DCHS2: variants seen among roughly 807,000 people sequenced by gnomAD.
The protein encoded by DCHS2 is protocadherin-23.
A neutral mutation model predicts 182.4 loss-of-function variants in DCHS2; 142 were observed. The observed-to-expected ratio is 0.78, with a 90% confidence interval of 0.68 to 0.89. The LOEUF (loss-of-function observed/expected upper bound fraction) is 0.89. DCHS2 is among the 40% of genes least tolerant of loss of function. The pLI is 0.00. For synonymous variants in DCHS2, 1,740 were observed against 1,663.3 expected (o/e 1.05, Z -1.12); for missense variants, 4,319 against 4,198.6 (o/e 1.03, Z -0.79).
At chr4:154,486,191 T>G (rs1195863779) in intron 1 of DCHS2, among the ~76,000 whole-genome samples, 2 of 152,224 alleles carry the variant, frequency 1.3e-5, no homozygotes, top group Non-Finnish European at 2.9e-5. Flanking sequence ...TGCTAATGGT[T>G]CTTGTCCTCT....
intron 10 of DCHS2, among the ~76,000 whole-genome samples, chr4:154,305,823 C>A (rs1329753142): frequency 6.6e-6 from 1 of 152,010 alleles, no homozygotes; most frequent in African/African-American, 2.4e-5. Context: ...TCATTTCTCC[C>A]CTGAGAAAAG....
In DCHS2 at chr4:154,242,554, T is replaced by G. The variant is rs576955468; in HGVS notation, c.7072+88A>C. On this transcript the variant is annotated intron_variant, in intron 17 of 19. Transcript: ENST00000357232. Reference sequence around the variant, plus strand: ...TTGCTTGGTTGTTGAGGATTAGCACTCATGTTAATACAGTGTCTGGCTAAA... The same window carrying G: ...TTGCTTGGTTGTTGAGGATTAGCACGCATGTTAATACAGTGTCTGGCTAAA... The G allele has an allele frequency of 1.3e-4, 189 of 1,465,260 alleles. No individual in the cohort carries two copies. In the African/African-American group the frequency reaches 2.5e-3, roughly 19 times the overall value. The allele number at this position is 1,465,260 out of a possible 1,614,324, so 90.8% of individuals were successfully genotyped here.
chr4:154,409,534 T>G (rs967336040), intron 1 of DCHS2, among the ~76,000 whole-genome samples: 1 of 152,164 alleles, frequency 6.6e-6, no homozygotes, highest in African/African-American at 2.4e-5. Flanking sequence ...GAGCCTGAGC[T>G]GACAGGGGAT....
In DCHS2 at chr4:154,236,878, C is replaced by T; in HGVS notation, c.7774G>A (p.Gly2592Ser). The T allele has an allele frequency of 6.2e-7, 1 of 1,613,998 alleles. No homozygotes were observed. Among genetic ancestry groups the T allele is most frequent in the South Asian group, 1.1e-5 (1 of 91,070 alleles). The part of the protein sequence containing the change: ...NTYVEYSIIS[G>S]NSQNNFHVET... ...ACATGAAAATTGTTCTGTGAATTAC[C>T]ACTGATGATGGAATATTCAACATAT... The change falls in exon 20 of 20, where the codon GGT (glycine) becomes AGT (serine). Residue 2592 changes from glycine (G) to serine (S), a missense_variant. By Grantham distance (56) the Gly-to-Ser change is moderately conservative (BLOSUM62 0). Transcript: ENST00000357232.
At chr4:154,384,578 T>C (rs1287120011) in intron 1 of DCHS2, 16 of 1,471,162 alleles carry the variant, frequency 1.1e-5, no homozygotes, top group Non-Finnish European at 1.5e-5. Flanking sequence ...CTACCTTATA[T>C]GGCAACAGAC....
chr4:154,446,383 A>G (rs1734285628), intron 1 of DCHS2, among the ~76,000 whole-genome samples: 1 of 152,244 alleles, frequency 6.6e-6, no homozygotes, highest in South Asian at 2.1e-4. Context: ...GTCTTGCTTT[A>G]CATAGAGTGA....
intron 10 of DCHS2, among the ~76,000 whole-genome samples, chr4:154,308,151 T>C (rs1227115114): frequency 6.6e-6 from 1 of 152,002 alleles, no homozygotes; most frequent in Admixed American, 6.6e-5. Context: ...CCAGTTACTC[T>C]TTCTACAGTG....
Position 154,298,285 on chromosome 4 carries a change from C to T in DCHS2, c.6029G>A (p.Arg2010Lys). The change falls in exon 13 of 20, where the codon AGA becomes AAA. Residue 2010 changes from arginine to lysine, a missense_variant. Transcript: ENST00000357232. The part of the protein sequence containing the change: ...RSQHTFSAVA[R>K]DCSIQGSRST... Reference sequence around the variant, plus strand: ...TCGTGAACCCTGGATGCTACAGTCTCTGGCCACAGCACTAAATGTATGCTG... The same window carrying T: ...TCGTGAACCCTGGATGCTACAGTCTTTGGCCACAGCACTAAATGTATGCTG... 1 of 1,614,204 alleles carries T rather than the reference C, an allele frequency of 6.2e-7. No individual in the cohort carries two copies. Among genetic ancestry groups the T allele is most frequent in the South Asian group, 1.1e-5 (1 of 91,086 alleles).
chr4:154,314,531 C>A (rs1035381139), intron 10 of DCHS2, among the ~76,000 whole-genome samples: 10 of 152,236 alleles, frequency 6.6e-5, no homozygotes, highest in African/African-American at 2.4e-4. Context: ...ACATCACATA[C>A]AAATTCATGT....
intron 1 of DCHS2, among the ~76,000 whole-genome samples, chr4:154,435,654 C>A (rs985242486): frequency 1.3e-5 from 2 of 151,716 alleles, no homozygotes; most frequent in African/African-American, 2.4e-5. Context: ...ATAATGAATA[C>A]CTCTGGCCAA....
intron 1 of DCHS2, among the ~76,000 whole-genome samples, chr4:154,465,976 C>T (rs1280685798): frequency 4.6e-5 from 7 of 152,042 alleles, no homozygotes; most frequent in African/African-American, 1.7e-4. Context: ...CAGACAGAGG[C>T]TTTAAAAGCT....
At chr4:154,325,619 A>G (rs1301685051) in intron 7 of DCHS2, among the ~76,000 whole-genome samples, 1 of 152,158 alleles carries the variant, frequency 6.6e-6, no homozygotes, top group Non-Finnish European at 1.5e-5. Context: ...GAATGGGGAA[A>G]GAGTCTCTGA....
intron 5 of DCHS2, chr4:154,331,520 C>T: frequency 6.5e-7 from 1 of 1,529,776 alleles, no homozygotes; most frequent in Non-Finnish European, 8.8e-7. Flanking sequence ...GGAAAGGCAG[C>T]TTGCAACCTT....
rs963344804 is a variant in DCHS2, at chr4:154,490,365, C to T, written c.991G>A (p.Val331Met). The change falls in exon 1 of 20, where the codon GTG (valine) becomes ATG (methionine). Residue 331 changes from valine to methionine, a missense_variant. Physicochemically the swap from Val to Met is conservative, Grantham distance 21. Coordinates refer to ENST00000357232, the MANE Select transcript of DCHS2 (RefSeq NM_001358235.2). ...TDRDLGPNGF[V>M]RYSVRARQVP... is the part of the protein sequence containing the mutation. ...TGCCGGGCGCGGACGCTGTAGCGCACGAAGCCATTGGGCCCCAGGTCGCGG... is the reference window on the plus strand; with the variant it reads ...TGCCGGGCGCGGACGCTGTAGCGCATGAAGCCATTGGGCCCCAGGTCGCGG... 3 of 1,537,498 alleles carry T rather than the reference C, an allele frequency of 2.0e-6. No individual in the cohort carries two copies. The highest frequency in any genetic ancestry group is 2.7e-5 in the African/African-American group (2 of 72,802).
chr4:154,451,038 G>A (rs1409732111), intron 1 of DCHS2, among the ~76,000 whole-genome samples: 3 of 152,168 alleles, frequency 2.0e-5, no homozygotes, highest in African/African-American at 7.2e-5. Context: ...TGCTACTCCA[G>A]TCCATTCACT....
At chr4:154,299,015 T>A (rs1211981278) in intron 12 of DCHS2, among the ~76,000 whole-genome samples, 1 of 152,232 alleles carries the variant, frequency 6.6e-6, no homozygotes, top group Non-Finnish European at 1.5e-5. Flanking sequence ...CATCTACAAC[T>A]TTTAATTTTA....
At position 154,311,297 on chromosome 4, in the gene DCHS2, C is replaced by T. The variant is rs115210938; in HGVS notation, c.5260+4451G>A. 4.4e-3 allele frequency among the ~76,000 whole-genome samples: 673 copies of T among 152,278 alleles called. 4 individuals carry two copies. The highest frequency in any genetic ancestry group is 0.015 in the African/African-American group (640 of 41,560). On this transcript the variant is annotated intron_variant, in intron 10 of 19. Transcript: ENST00000357232. ...ACCCAGGCTGGAGTGTGCAGAGGCA[C>T]AGTCGTGGCTCACGGCAGCAAATTC...
chr4:154,405,187 T>C (rs1732349228), intron 1 of DCHS2, among the ~76,000 whole-genome samples: 2 of 152,046 alleles, frequency 1.3e-5, no homozygotes. Context: ...GAGGTTGAGG[T>C]TGCAAGTGAG....
At chr4:154,445,322 C>T (rs1256593296) in intron 1 of DCHS2, among the ~76,000 whole-genome samples, 3 of 152,134 alleles carry the variant, frequency 2.0e-5, no homozygotes, top group Admixed American at 6.5e-5. Context: ...AGAAAACTAA[C>T]CTTATTGAAC....
Sources: gnomAD v4.1 joint callset for allele counts (sites outside exome capture counted in the v4.1 genomes callset) on GRCh38, gnomAD v4.1.1 for gene constraint, MANE v1.5 for transcripts, NCBI Gene and HGNC (gene_info 2026-07-23, HGNC 2026-07-21) for gene names.